Variants in OSBPL9 observed in about 807,000 individuals in gnomAD.
The protein encoded by OSBPL9 is oxysterol-binding protein-related protein 9.
Under a neutral mutation model 106.6 loss-of-function variants are expected in OSBPL9, and 40 were observed. That is an observed-to-expected ratio of 0.38 (90% CI 0.29 to 0.49). The LOEUF is 0.49. Among genes scored for constraint, OSBPL9 ranks in the 20% least tolerant of loss-of-function variants. OSBPL9 has a pLI of 0.97. For missense variants in OSBPL9, 609 were observed against 887.2 expected, an observed-to-expected ratio of 0.69 and a Z score of 3.98; for synonymous variants, 269 against 295.4, an observed-to-expected ratio of 0.91 and a Z score of 0.92.
chr1:51,521,985 G>C, the OSBPL9 span, among the ~76,000 whole-genome samples: 2 of 151,962 alleles, frequency 1.3e-5, no homozygotes, highest in African/African-American at 4.8e-5. Flanking sequence ...TCGAACTCCT[G>C]ACCTCAAGTG....
intron 2 of OSBPL9, among the ~76,000 whole-genome samples, chr1:51,602,992 C>T (rs953723916): frequency 6.6e-6 from 1 of 151,914 alleles, no homozygotes; most frequent in Non-Finnish European, 1.5e-5. Flanking sequence ...CCTTTCTTGG[C>T]AAAAAATACA....
the OSBPL9 span, among the ~76,000 whole-genome samples, chr1:51,552,778 CCAT>C: frequency 6.6e-6 from 1 of 152,062 alleles, no homozygotes; most frequent in Admixed American, 6.6e-5. Flanking sequence ...GCACCCACCA[CCAT>C]GCCCGGCTAA....
intron 12 of OSBPL9, among the ~76,000 whole-genome samples, chr1:51,770,142 T>C (rs1673536618): frequency 6.6e-6 from 1 of 151,618 alleles, no homozygotes; most frequent in Non-Finnish European, 1.5e-5. Flanking sequence ...AGCTAATTTT[T>C]TTTTTTTTTT....
rs12027108 is a variant in OSBPL9 at position 51,758,830 on chromosome 1, G to T, written c.583-1860G>T. Among the ~76,000 whole-genome samples, 1,389 of 152,220 alleles carry T rather than the reference G, an allele frequency of 9.1e-3. 56 individuals carry two copies. In the East Asian group the frequency reaches 0.11, roughly 12 times the overall value. On this transcript the variant is annotated intron_variant, in intron 9 of 23. Coordinates refer to ENST00000428468, the MANE Select transcript of OSBPL9 (RefSeq NM_024586.6). ...GCATTTGGAGTTATTTTCGAGAAAAGCGCTGTGTAAACAAGGAATTTATTT... is the reference window on the plus strand; with the variant it reads ...GCATTTGGAGTTATTTTCGAGAAAATCGCTGTGTAAACAAGGAATTTATTT...
At chr1:51,544,826 T>G in the OSBPL9 span, among the ~76,000 whole-genome samples, 1 of 149,624 alleles carries the variant, frequency 6.7e-6, no homozygotes, top group Non-Finnish European at 1.5e-5. Context: ...AAACTAACTT[T>G]AAGAGACATG....
chr1:51,589,851 G>A (rs577639317), intron 1 of OSBPL9, among the ~76,000 whole-genome samples: 11 of 151,982 alleles, frequency 7.2e-5, no homozygotes, highest in African/African-American at 2.2e-4. Flanking sequence ...GGCCAACATA[G>A]TGAAACCCCA....
At chr1:51,584,389 T>C (rs2148599708) in intron 1 of OSBPL9, among the ~76,000 whole-genome samples, 1 of 152,222 alleles carries the variant, frequency 6.6e-6, no homozygotes, top group Non-Finnish European at 1.5e-5. Flanking sequence ...ATTTTCCCCA[T>C]CTGTACAATG....
At chr1:51,563,447 C>A in the OSBPL9 span, among the ~76,000 whole-genome samples, 1 of 152,150 alleles carries the variant, frequency 6.6e-6, no homozygotes, top group Non-Finnish European at 1.5e-5. Flanking sequence ...ACCAGCCCAC[C>A]CCGTCCAACG....
At chr1:51,643,936 T>G (rs889641624) in intron 1 of OSBPL9, among the ~76,000 whole-genome samples, 1 of 151,570 alleles carries the variant, frequency 6.6e-6, no homozygotes, top group Middle Eastern at 3.4e-3. Flanking sequence ...AAAAATTAGC[T>G]GGGTGTGGTG....
intron 6 of OSBPL9, among the ~76,000 whole-genome samples, chr1:51,747,288 T>C (rs1170246302): frequency 6.6e-6 from 1 of 152,212 alleles, no homozygotes; most frequent in African/African-American, 2.4e-5. Context: ...TATAATACCT[T>C]TTCTGTATCA....
At chr1:51,749,045 A>G (rs762310286) in intron 7 of OSBPL9, among the ~76,000 whole-genome samples, 16 of 152,100 alleles carry the variant, frequency 1.1e-4, no homozygotes, top group South Asian at 2.1e-4. Context: ...AGATCGTGCC[A>G]TTGCACTCCA....
At chr1:51,522,313 AT>A in the OSBPL9 span, among the ~76,000 whole-genome samples, 2 of 152,212 alleles carry the variant, frequency 1.3e-5, no homozygotes, top group Non-Finnish European at 2.9e-5. Context: ...CTTGCTTAAA[AT>A]CTTTATATGG....
rs115161242 is a variant in OSBPL9 at position 51,735,231 on chromosome 1, G to A, written c.319-10305G>A. ...TTCTGGCAGTGACTGTTTTACAGCC[G>A]TCCATGTCCACTGGCCGGTGGGAAC... On this transcript the variant is annotated intron_variant, in intron 4 of 23. Transcript: ENST00000428468. 8.3e-3 allele frequency among the ~76,000 whole-genome samples: 1,266 copies of A among 152,308 alleles called. 18 individuals are homozygous for A. Among genetic ancestry groups the A allele is most frequent in the African/African-American group, 0.029 (1,192 of 41,578 alleles).
At chr1:51,681,472 T>C (rs1225937339) in intron 3 of OSBPL9, among the ~76,000 whole-genome samples, 2 of 152,202 alleles carry the variant, frequency 1.3e-5, no homozygotes, top group African/African-American at 4.8e-5. Flanking sequence ...AAATATTTAC[T>C]GTTTTCAGCA....
intron 1 of OSBPL9, among the ~76,000 whole-genome samples, chr1:51,651,466 G>A (rs1444125965): frequency 6.6e-6 from 1 of 152,116 alleles, no homozygotes; most frequent in Non-Finnish European, 1.5e-5. Flanking sequence ...AGCCGAGCAT[G>A]GTGGCGGGTG....
chr1:51,753,267 A>G (rs1053083894), intron 8 of OSBPL9, among the ~76,000 whole-genome samples: 3 of 152,166 alleles, frequency 2.0e-5, no homozygotes, highest in Non-Finnish European at 4.4e-5. Context: ...TCCAAGCCCC[A>G]CCACTGGAGC....
chr1:51,617,281 G>A, intron 1 of OSBPL9, 60 bp downstream of exon 1: 1 of 1,507,934 alleles, frequency 6.6e-7, no homozygotes, highest in Non-Finnish European at 9.0e-7. Context: ...GGGTGGAGGT[G>A]GGGGACCGGG....
At chr1:51,645,252 C>T (rs1350211120) in intron 1 of OSBPL9, among the ~76,000 whole-genome samples, 1 of 152,184 alleles carries the variant, frequency 6.6e-6, no homozygotes, top group Non-Finnish European at 1.5e-5. Context: ...ATTTTCTTAA[C>T]ACTTATCACC....
intron 20 of OSBPL9, chr1:51,785,457 G>A (rs1677376198): frequency 4.5e-6 from 1 of 220,738 alleles, no homozygotes; most frequent in South Asian, 9.5e-5. Context: ...GCCCATGTAA[G>A]CTCACCACAG....
Sources: allele counts gnomAD v4.1 joint callset (sites outside exome capture counted in the v4.1 genomes callset), GRCh38; gene constraint gnomAD v4.1.1; transcripts MANE v1.5; gene names NCBI Gene and HGNC (gene_info 2026-07-23, HGNC 2026-07-21).